Variants in DPP7 observed in about 807,000 individuals in gnomAD.
The protein encoded by DPP7 is dipeptidyl peptidase 7.
DPP7 carries 74 observed loss-of-function variants against 58.8 expected under a neutral mutation model. That is an observed-to-expected ratio of 1.26 (90% CI 1.04 to 1.53). DPP7 has a LOEUF of 1.53. Ranked by LOEUF, DPP7 falls within the 40% of genes most tolerant of loss-of-function variation. The pLI, the probability that DPP7 is intolerant of heterozygous loss-of-function variation, is 0.00. For missense variants in DPP7, 807 were observed against 692.3 expected (o/e 1.17, Z -1.86); for synonymous variants, 350 against 303.6 (o/e 1.15, Z -1.59).
At position 137,114,650 on chromosome 9, in the gene DPP7, C is replaced by A. The variant is rs746710073; in HGVS notation, c.64G>T (p.Gly22Trp). The A allele has an allele frequency of 1.1e-5, 15 of 1,378,612 alleles. No homozygotes were observed. Among genetic ancestry groups the A allele is most frequent in the Non-Finnish European group, 1.3e-5 (14 of 1,067,380 alleles). 85.4% of individuals were successfully genotyped at this position (1,378,612 alleles called of 1,614,324 possible). The change falls in exon 1 of 13, where the codon GGG becomes TGG. Residue 22 changes from glycine (G) to tryptophan (W), a missense_variant. Physicochemically the swap from Gly to Trp is radical, Grantham distance 184. Coordinates refer to ENST00000371579, the MANE Select transcript of DPP7 (RefSeq NM_013379.3). Reference sequence around the variant, plus strand: ...GCCGGGGGGCGCCGCCACTCACCCCCCGCCTGGAGGCCGCGCAGCCCGAGC... The same window carrying A: ...GCCGGGGGGCGCCGCCACTCACCCCACGCCTGGAGGCCGCGCAGCCCGAGC... Reference protein sequence around the residue: ...LALGLRGLQAGARRAPDPGFQ... With the variant: ...LALGLRGLQAWARRAPDPGFQ...
At chr9:137,112,550 G>T in intron 8 of DPP7, 195 bp downstream of exon 8, 1 of 735,928 alleles carries the variant, frequency 1.4e-6, no homozygotes, top group Non-Finnish European at 2.2e-6. Context: ...TACAGCCAGT[G>T]CTGAGAGGGT....
rs770784136 is a variant in DPP7 at position 137,114,500 on chromosome 9, G to A, written c.144C>T (p.Phe48=). The change falls in exon 2 of 13, where the codon TTC becomes TTT. Residue 48 remains phenylalanine, a synonymous_variant. Transcript: ENST00000371579. The part of the protein sequence containing the change: ...QRLDHFNFER[F]GNKTFPQRFL... ...AGCGCTGAGGGAAGGTCTTGTTGCC[G>A]AAGCGCTCGAAGTTGAAGTGGTCCA... 2.8e-5 allele frequency: 44 copies of A among 1,583,674 alleles called. No individual in the cohort carries two copies. The South Asian group carries it at 3.1e-4, about 11-fold the overall frequency.
upstream of DPP7, among the ~76,000 whole-genome samples, chr9:137,117,086 T>A (rs560276370): frequency 6.6e-6 from 1 of 152,280 alleles, no homozygotes; most frequent in African/African-American, 2.4e-5. Flanking sequence ...CCGGGGCCGG[T>A]GCGGGTCCTC....
rs1831471391 is a variant in DPP7, at chr9:137,113,351, C to A, written c.621+10G>T. On this transcript the variant is annotated intron_variant, in intron 5 of 12. Transcript: ENST00000371579. ...CTTAGGGGGCCTGGAGGACCCCAAG[C>A]CTCACTCACCGCCGTGACGTCCCGG... 6 of 1,612,104 alleles carry A rather than the reference C, an allele frequency of 3.7e-6. No homozygotes were observed. The highest frequency in any genetic ancestry group is 1.6e-4 in the Middle Eastern group (1 of 6,084).
chr9:137,114,609 C>T (rs2131159079), intron 1 of DPP7, 33 bp from the exon 2 acceptor site: 2 of 1,448,274 alleles, frequency 1.4e-6, no homozygotes, highest in African/African-American at 1.5e-5. Context: ...GAGGCGGGGC[C>T]GGGACCGGGG....
Position 137,113,948 on chromosome 9 carries a change from G to GGCCT in DPP7, c.398_401dup (p.Leu135GlyfsTer77). Reference sequence around the variant, plus strand: ...GGAGCAGCTCTGCGAAGTCGGCCAGGGCCTGCTCCACCGTCAGCAGCTCCG... The same window carrying GGCCT: ...GGAGCAGCTCTGCGAAGTCGGCCAGGGCCTGCCTGCTCCACCGTCAGCAGCTCCG... On this transcript the variant is annotated frameshift_variant, in exon 4 of 13. Coordinates refer to ENST00000371579, the MANE Select transcript of DPP7 (RefSeq NM_013379.3). LOFTEE classifies it high-confidence loss of function. 1 of 1,587,634 alleles carries GGCCT rather than the reference G, an allele frequency of 6.3e-7. No individual in the cohort carries two copies. Among genetic ancestry groups the GGCCT allele is most frequent in the Middle Eastern group, 1.7e-4 (1 of 5,800 alleles).
chr9:137,112,070 C>A (rs1258813453), intron 9 of DPP7, 41 bp from the exon 10 acceptor site: 1 of 1,612,304 alleles, frequency 6.2e-7, no homozygotes. Context: ...CCCACGCCCA[C>A]CCTTGCCCCC....
chr9:137,114,744 C>A, upstream of DPP7: 1 of 1,201,720 alleles, frequency 8.3e-7, no homozygotes, highest in Non-Finnish European at 1.0e-6. Flanking sequence ...GTCACGTGGG[C>A]GGGGTCACGG....
chr9:137,111,861 C>T lies in DPP7; in HGVS notation c.1207+12G>A. The T allele has an allele frequency of 1.3e-6, 2 of 1,520,840 alleles. No individual in the cohort carries two copies. Among genetic ancestry groups the T allele is most frequent in the South Asian group, 1.1e-5 (1 of 89,060 alleles). The allele number at this position is 1,520,840 out of a possible 1,614,324, so 94.2% of individuals were successfully genotyped here. A position where few individuals can be genotyped will look rare whatever the true frequency, so the allele number is the denominator to read the frequency against. On this transcript the variant is annotated intron_variant, in intron 10 of 12. Coordinates refer to ENST00000371579, the MANE Select transcript of DPP7 (RefSeq NM_013379.3). ...GAAAGCAGGACGCTGGCCCACCCCC[C>T]CTCAGCCTTACCACCCCCCCAGAAG...
rs372220995 is a variant in DPP7, at chr9:137,110,873, T to C, written c.1343+7A>G. The C allele has an allele frequency of 1.6e-5, 26 of 1,610,882 alleles. No individual in the cohort carries two copies. The highest frequency in any genetic ancestry group is 2.2e-5 in the Non-Finnish European group (26 of 1,179,620). On this transcript the variant is annotated splice_region_variant and intron_variant, in intron 12 of 12. Transcript: ENST00000371579. Reference sequence around the variant, plus strand: ...CGCGACCACCGCCAGGCCACCTCCCTCCGCACCTGAGGTCGAGGTGGTGCG... The same window carrying C: ...CGCGACCACCGCCAGGCCACCTCCCCCCGCACCTGAGGTCGAGGTGGTGCG...
At chr9:137,112,309 G>C in intron 8 of DPP7, 79 bp from the exon 9 acceptor site, 1 of 1,204,806 alleles carries the variant, frequency 8.3e-7, no homozygotes. Context: ...GTCCCCCCTC[G>C]GAATGGTCCT....
intron 8 of DPP7, chr9:137,112,491 TG>T (rs1308568920): frequency 4.8e-6 from 3 of 629,430 alleles, no homozygotes; most frequent in Non-Finnish European, 2.7e-6. Context: ...CCCTCCATGC[TG>T]GGGACCCCAG....
rs758013950 is a variant in DPP7, at chr9:137,114,628, G to A, written c.67+19C>T. 21 of 1,399,750 alleles carry A rather than the reference G, an allele frequency of 1.5e-5. 1 individual carries two copies. The South Asian group carries it at 1.7e-4, about 11-fold the overall frequency. The allele number at this position is 1,399,750 out of a possible 1,614,324, so 86.7% of individuals were successfully genotyped here. A position where few individuals can be genotyped will look rare whatever the true frequency, so the allele number is the denominator to read the frequency against. ...CGGGGCCGGGACCGGGGAATGGGCC[G>A]GGGGGCGCCGCCACTCACCCCCCGC... On this transcript the variant is annotated intron_variant, in intron 1 of 12. Transcript: ENST00000371579.
upstream of DPP7, chr9:137,114,789 C>A (rs1466020468): frequency 9.6e-7 from 1 of 1,042,202 alleles, no homozygotes; most frequent in Non-Finnish European, 1.2e-6. Flanking sequence ...CCAGGCCCCA[C>A]GTGTTTCGGG....
In DPP7 at chr9:137,111,870, T is replaced by C; in HGVS notation, c.1207+3A>G. 2 of 749,664 alleles carry C rather than the reference T, an allele frequency of 2.7e-6. No individual in the cohort carries two copies. The highest frequency in any genetic ancestry group is 4.4e-6 in the Non-Finnish European group (2 of 451,868). The allele number at this position is 749,664 out of a possible 1,614,324, so 46.4% of individuals were successfully genotyped here. A position where few individuals can be genotyped will look rare whatever the true frequency, so the allele number is the denominator to read the frequency against. On this transcript the variant is annotated splice_donor_region_variant and intron_variant, in intron 10 of 12. Coordinates refer to ENST00000371579, the MANE Select transcript of DPP7 (RefSeq NM_013379.3). ...ACGCTGGCCCACCCCCCCTCAGCCT[T>C]ACCACCCCCCCAGAAGCTGGTCAGC...
upstream of DPP7, among the ~76,000 whole-genome samples, chr9:137,116,010 C>T (rs1345464253): frequency 6.6e-6 from 1 of 152,220 alleles, no homozygotes; most frequent in Non-Finnish European, 1.5e-5. Flanking sequence ...GCAACCCTCA[C>T]CCAGGACCGC....
chr9:137,113,960 C>T lies in DPP7; in HGVS notation c.390G>A (p.Thr130=), dbSNP rs1270313707. ...CGAAGTCGGCCAGGGCCTGCTCCAC[C>T]GTCAGCAGCTCCGTGTGCCCGCGCT... The part of the protein sequence containing the change: ...STQRGHTELL[T]VEQALADFAE... Residue 130 remains threonine (T), a synonymous_variant, in exon 4 of 13, where the codon ACG becomes ACA. Coordinates refer to ENST00000371579, the MANE Select transcript of DPP7 (RefSeq NM_013379.3). 3.8e-6 allele frequency: 6 copies of T among 1,587,038 alleles called. No individual in the cohort carries two copies. Among genetic ancestry groups the T allele is most frequent in the South Asian group, 3.4e-5 (3 of 89,262 alleles).
Position 137,114,469 on chromosome 9 carries a change from C to A in DPP7, c.175G>T (p.Val59Leu), listed in dbSNP as rs751830416. ...GCCGGGGCCGGGGTCTCACCCGACA[C>A]CAGGAAGCGCTGAGGGAAGGTCTTG... is the stretch of plus-strand genomic sequence containing the variant. ...GNKTFPQRFLVSDRFWVRGEG... is the reference protein window; with the variant it reads ...GNKTFPQRFLLSDRFWVRGEG... The change falls in exon 2 of 13, where the codon GTG becomes TTG. Residue 59 changes from valine to leucine, a missense_variant. Transcript: ENST00000371579. 1.3e-6 allele frequency: 2 copies of A among 1,570,164 alleles called. No homozygotes were observed. Among genetic ancestry groups the A allele is most frequent in the South Asian group, 1.2e-5 (1 of 86,370 alleles).
At chr9:137,112,266 CACAG>C (rs763827353) in intron 8 of DPP7, 36 bp from the exon 9 acceptor site, 6 of 1,549,154 alleles carry the variant, frequency 3.9e-6, no homozygotes, top group East Asian at 2.3e-5. Context: ...AGCGGCCACA[CACAG>C]ACACACCGCG....
Sources: allele counts gnomAD v4.1 joint callset (sites outside exome capture counted in the v4.1 genomes callset), GRCh38; gene constraint gnomAD v4.1.1; transcripts MANE v1.5; gene names NCBI Gene and HGNC (gene_info 2026-07-23, HGNC 2026-07-21).